KCND3: variants seen among roughly 807,000 people sequenced by gnomAD.
KCND3 encodes the protein A-type voltage-gated potassium channel KCND3.
Under a neutral mutation model 51.1 loss-of-function variants are expected in KCND3, and 9 were observed. That is an observed-to-expected ratio of 0.18 (90% confidence interval 0.11 to 0.31). The LOEUF is 0.31. KCND3 is among the 10% of genes least tolerant of loss of function. KCND3 has a pLI of 1.00. For synonymous variants in KCND3, 349 were observed against 368.0 expected (o/e 0.95, Z 0.59); for missense variants, 526 against 903.8 (o/e 0.58, Z 5.36).
At chr1:111,932,609 T>A (rs1024488749) in intron 2 of KCND3, among the ~76,000 whole-genome samples, 1 of 152,238 alleles carries the variant, frequency 6.6e-6, no homozygotes. Flanking sequence ...ATACCTCATA[T>A]AAATGGAATC....
Position 111,981,602 on chromosome 1 carries a change from T to C in KCND3, c.1106+19A>G. 1.9e-6 allele frequency: 3 copies of C among 1,614,062 alleles called. No individual in the cohort carries two copies. Among genetic ancestry groups the C allele is most frequent in the Non-Finnish European group, 2.5e-6 (3 of 1,179,972 alleles). On this transcript the variant is annotated intron_variant, in intron 2 of 7. Coordinates refer to ENST00000302127, the MANE Select transcript of KCND3 (RefSeq NM_001378969.1). The surrounding 1 kb of genome is among the most constrained non-coding windows in gnomAD (Gnocchi z 6.2). ...CCCTCCAACCTCCGTCCTGGTTTCA[T>C]CCACCAGCGCTGACTTACCCCAGTG...
chr1:111,887,573 C>G (rs1055156329), intron 2 of KCND3, among the ~76,000 whole-genome samples: 2 of 152,212 alleles, frequency 1.3e-5, no homozygotes, highest in Non-Finnish European at 2.9e-5. Flanking sequence ...CGGTCACTGC[C>G]TGGTTCCTCT....
intron 3 of KCND3, among the ~76,000 whole-genome samples, chr1:111,786,361 T>C (rs189630649): frequency 1.2e-4 from 18 of 152,346 alleles, no homozygotes; most frequent in African/African-American, 4.1e-4. Flanking sequence ...CAGTGTGTAT[T>C]GAACATAATC....
chr1:111,970,234 C>T (rs1480887800), intron 2 of KCND3, among the ~76,000 whole-genome samples: 2 of 152,136 alleles, frequency 1.3e-5, no homozygotes, highest in Non-Finnish European at 2.9e-5. Flanking sequence ...CCAGGATGGT[C>T]TCGAATTTCT....
chr1:111,956,998 G>C (rs1441096355), intron 2 of KCND3, among the ~76,000 whole-genome samples: 1 of 152,196 alleles, frequency 6.6e-6, no homozygotes, highest in Admixed American at 6.5e-5. Flanking sequence ...GCTGTACTCA[G>C]CGCTATGTTT....
intron 2 of KCND3, among the ~76,000 whole-genome samples, chr1:111,881,779 T>C (rs1417222245): frequency 6.6e-6 from 1 of 152,224 alleles, no homozygotes; most frequent in African/African-American, 2.4e-5. Context: ...TGTCTTTGCA[T>C]CCCTTTAAAC....
intron 2 of KCND3, among the ~76,000 whole-genome samples, chr1:111,824,061 G>C (rs1666465696): frequency 6.7e-6 from 1 of 150,242 alleles, no homozygotes; most frequent in South Asian, 2.1e-4. Flanking sequence ...AAATGCAGAG[G>C]CAAACTAAAA....
intron 2 of KCND3, among the ~76,000 whole-genome samples, chr1:111,920,510 C>A (rs1671427777): frequency 1.3e-5 from 2 of 152,276 alleles, no homozygotes; most frequent in South Asian, 4.1e-4. Flanking sequence ...CCTCCCAGTG[C>A]TGGGTGCTTC....
At chr1:111,939,497 G>A (rs183339955) in intron 2 of KCND3, among the ~76,000 whole-genome samples, 56 of 152,014 alleles carry the variant, frequency 3.7e-4, no homozygotes, top group African/African-American at 1.3e-3. Context: ...TTCTGTTCCC[G>A]TGTTTGCTGA....
At chr1:111,947,156 T>G (rs1672817753) in intron 2 of KCND3, among the ~76,000 whole-genome samples, 1 of 152,256 alleles carries the variant, frequency 6.6e-6, no homozygotes, top group Non-Finnish European at 1.5e-5. Context: ...TTATTAATTG[T>G]TTCTGATGGC....
At chr1:111,902,333 C>T (rs912449924) in intron 2 of KCND3, among the ~76,000 whole-genome samples, 7 of 152,158 alleles carry the variant, frequency 4.6e-5, no homozygotes, top group Non-Finnish European at 7.3e-5. Context: ...CATCCAGTGG[C>T]AACTGAATGA....
At chr1:111,953,628 A>C (rs1005412650) in intron 2 of KCND3, among the ~76,000 whole-genome samples, 4 of 152,248 alleles carry the variant, frequency 2.6e-5, no homozygotes, top group Non-Finnish European at 5.9e-5. Context: ...AGGGCGTCAC[A>C]TGCATCCAAG....
At chr1:111,976,541 T>C (rs1674638162) in intron 2 of KCND3, among the ~76,000 whole-genome samples, 1 of 152,238 alleles carries the variant, frequency 6.6e-6, no homozygotes, top group African/African-American at 2.4e-5. Context: ...ACACACTATA[T>C]ATCAAGCTCT....
chr1:111,893,569 T>C (rs142511551), intron 2 of KCND3, among the ~76,000 whole-genome samples: 2 of 152,296 alleles, frequency 1.3e-5, no homozygotes, highest in Admixed American at 6.5e-5. Flanking sequence ...ATTTCTATAG[T>C]ACAGGCAAGG....
chr1:111,780,466 C>T lies in KCND3; in HGVS notation c.1372-152G>A, dbSNP rs899466804. ...CAGGGTCAGCATTGAATATGCTAAC[C>T]TTTGGGCTCAGGGGCCCTTGGTCTA... On this transcript the variant is annotated intron_variant, in intron 4 of 7. Coordinates refer to ENST00000302127, the MANE Select transcript of KCND3 (RefSeq NM_001378969.1). The surrounding 1 kb of genome is among the most constrained non-coding windows in gnomAD (Gnocchi z 4.2). 1.1e-6 allele frequency: 1 copy of T among 897,050 alleles called. No homozygotes were observed. The highest frequency in any genetic ancestry group is 1.7e-5 in the African/African-American group (1 of 59,916). 55.6% of individuals were successfully genotyped at this position (897,050 alleles called of 1,614,324 possible). A position where few individuals can be genotyped will look rare whatever the true frequency, so the allele number is the denominator to read the frequency against.
At position 111,777,233 on chromosome 1, in the gene KCND3, C is replaced by A; in HGVS notation, c.1559G>T (p.Cys520Phe). The A allele has an allele frequency of 6.2e-7, 1 of 1,614,162 alleles. No individual in the cohort carries two copies. Among genetic ancestry groups the A allele is most frequent in the Non-Finnish European group, 8.5e-7 (1 of 1,180,034 alleles). The change falls in exon 7 of 8, where the codon TGC (cysteine) becomes TTC (phenylalanine). Residue 520 changes from cysteine (C) to phenylalanine (F), a missense_variant. Cys to Phe is a radical substitution (Grantham distance 205, BLOSUM62 -2). Around this residue, in one of 5 missense-constraint regions of KCND3, gnomAD observed 266 missense variants for 305.5 expected, o/e 0.87. Transcript: ENST00000302127. The stretch of plus-strand genomic sequence containing the variant: ...GTAGTTCTGCATTGAACTCTCCATG[C>A]AGTTCTGCTCAAACATCTGCTCATC... ...FIDEQMFEQN[C>F]MESSMQNYPS...
At chr1:111,793,245 G>A (rs1026483190) in intron 2 of KCND3, among the ~76,000 whole-genome samples, 8 of 148,766 alleles carry the variant, frequency 5.4e-5, no homozygotes, top group African/African-American at 1.0e-4. Context: ...GTGCGATCTC[G>A]GCTCACTGCA....
chr1:111,927,538 C>T (rs1203956088), intron 2 of KCND3, among the ~76,000 whole-genome samples: 1 of 152,238 alleles, frequency 6.6e-6, no homozygotes, highest in Non-Finnish European at 1.5e-5. Flanking sequence ...CTACTTCCCA[C>T]GTGTGCAGAG....
chr1:111,789,086 C>G (rs1664724946), intron 2 of KCND3, among the ~76,000 whole-genome samples: 3 of 152,160 alleles, frequency 2.0e-5, no homozygotes, highest in Admixed American at 1.3e-4. Context: ...GGCCTGTGGG[C>G]ACAGGGCTGT....
Sources: gnomAD v4.1 joint callset for allele counts (sites outside exome capture counted in the v4.1 genomes callset) on GRCh38, gnomAD v4.1.1 for gene constraint, gnomAD v4.1.1 regional missense constraint, Gnocchi (gnomAD v3.1) non-coding constraint, MANE v1.5 for transcripts, NCBI Gene and HGNC (gene_info 2026-07-23, HGNC 2026-07-21) for gene names.